The following EXOC6B variants were observed in gnomAD, a reference collection of about 807,000 sequenced individuals.
EXOC6B encodes the protein exocyst complex component 6B, also known as SEC15 homolog B.
A neutral mutation model predicts 113.5 loss-of-function variants in EXOC6B; 54 were observed. The observed-to-expected ratio is 0.48, with a 90% CI of 0.38 to 0.60. The LOEUF (loss-of-function observed/expected upper bound fraction) is 0.60, where lower values mean the gene tolerates loss of function less well. Ranked by LOEUF, EXOC6B falls within the 20% of genes least tolerant of loss-of-function variation. EXOC6B has a pLI of 0.00. For synonymous variants in EXOC6B, 357 were observed against 339.0 expected (o/e 1.05, Z -0.58); for missense variants, 797 against 977.5 (o/e 0.82, Z 2.46).
chr2:72,457,897 C>T (rs960705650), intron 18 of EXOC6B, among the ~76,000 whole-genome samples: 2 of 152,116 alleles, frequency 1.3e-5, no homozygotes, highest in Non-Finnish European at 1.5e-5. Context: ...TGACCACTGC[C>T]TATCTAACAA....
At chr2:72,491,168 G>C (rs1310560384) in intron 16 of EXOC6B, among the ~76,000 whole-genome samples, 2 of 152,062 alleles carry the variant, frequency 1.3e-5, no homozygotes, top group Non-Finnish European at 2.9e-5. Flanking sequence ...TTCTGTACTA[G>C]GCAATAGAAA....
intron 18 of EXOC6B, among the ~76,000 whole-genome samples, chr2:72,456,854 TA>T (rs1175137413): frequency 1.3e-5 from 2 of 152,060 alleles, no homozygotes; most frequent in Non-Finnish European, 2.9e-5. Flanking sequence ...CGTGCCATTT[TA>T]AAAAGTGCCA....
At chr2:72,570,657 T>C (rs1573413408) in intron 7 of EXOC6B, among the ~76,000 whole-genome samples, 1 of 152,194 alleles carries the variant, frequency 6.6e-6, no homozygotes, top group Non-Finnish European at 1.5e-5. Flanking sequence ...CACTAGAATA[T>C]GTGACATGTC....
At chr2:72,445,159 G>A (rs1696487161) in intron 18 of EXOC6B, among the ~76,000 whole-genome samples, 1 of 152,112 alleles carries the variant, frequency 6.6e-6, no homozygotes, top group African/African-American at 2.4e-5. Context: ...CAAATCTCTA[G>A]GGCAGGGGTA....
At chr2:72,580,681 A>T (rs1705167779) in intron 6 of EXOC6B, among the ~76,000 whole-genome samples, 1 of 151,990 alleles carries the variant, frequency 6.6e-6, no homozygotes, top group African/African-American at 2.4e-5. Flanking sequence ...ACATAATATA[A>T]CCTGACATCA....
At chr2:72,613,363 TG>T (rs1558844913) in intron 6 of EXOC6B, among the ~76,000 whole-genome samples, 1 of 151,928 alleles carries the variant, frequency 6.6e-6, no homozygotes, top group Non-Finnish European at 1.5e-5. Flanking sequence ...AATAAAAAAC[TG>T]GGGGGAAAAC....
intron 20 of EXOC6B, among the ~76,000 whole-genome samples, chr2:72,228,663 C>A (rs1681415247): frequency 6.6e-6 from 1 of 152,144 alleles, no homozygotes; most frequent in African/African-American, 2.4e-5. Context: ...TCCAGTCTAA[C>A]ATTGTTGGAC....
chr2:72,629,962 T>G (rs1165127789), intron 6 of EXOC6B, among the ~76,000 whole-genome samples: 2 of 152,222 alleles, frequency 1.3e-5, no homozygotes, highest in Non-Finnish European at 2.9e-5. Flanking sequence ...ATTCCTCTTC[T>G]GAGATTCAGA....
intron 20 of EXOC6B, among the ~76,000 whole-genome samples, chr2:72,189,738 C>T (rs1678691888): frequency 6.6e-6 from 1 of 150,680 alleles, no homozygotes; most frequent in East Asian, 1.9e-4. Context: ...CCCTCCCCTC[C>T]CCTTCCTTCC....
chr2:72,305,778 T>C (rs1686816481), intron 20 of EXOC6B, among the ~76,000 whole-genome samples: 1 of 152,228 alleles, frequency 6.6e-6, no homozygotes, highest in Middle Eastern at 3.2e-3. Flanking sequence ...TTTCAATGTA[T>C]TATTATGCTC....
intron 20 of EXOC6B, chr2:72,288,706 A>ATG: frequency 6.5e-6 from 1 of 153,126 alleles, no homozygotes; most frequent in South Asian, 2.1e-4. Context: ...ATATATATAT[A>ATG]TACAAACTCT....
At position 72,790,884 on chromosome 2, in the gene EXOC6B, TA is replaced by T. The variant is rs909081326; in HGVS notation, c.113+34913del. Among the ~76,000 whole-genome samples, 398 of 151,832 alleles carry T rather than the reference TA, an allele frequency of 2.6e-3. 1 individual carries two copies. The highest frequency in any genetic ancestry group is 9.1e-3 in the African/African-American group (378 of 41,418). ...CATGTTCTCATTTGCATGTGGGAGCTAAAAAAAATTGAACTCAGAAGTAGAG... is the reference window on the plus strand; with the variant it reads ...CATGTTCTCATTTGCATGTGGGAGCTAAAAAAATTGAACTCAGAAGTAGAG... On this transcript the variant is annotated intron_variant, in intron 1 of 21. Coordinates refer to ENST00000272427, the MANE Select transcript of EXOC6B (RefSeq NM_015189.3).
intron 18 of EXOC6B, among the ~76,000 whole-genome samples, chr2:72,403,176 A>T (rs1693463161): frequency 6.6e-6 from 1 of 152,196 alleles, no homozygotes; most frequent in African/African-American, 2.4e-5. Flanking sequence ...AAATTTACCA[A>T]GCTTTTCTTC....
chr2:72,713,526 C>T (rs1337918784), intron 6 of EXOC6B, among the ~76,000 whole-genome samples: 1 of 151,950 alleles, frequency 6.6e-6, no homozygotes, highest in Non-Finnish European at 1.5e-5. Context: ...TGGTGTGCTG[C>T]ACCCATTAAC....
intron 1 of EXOC6B, among the ~76,000 whole-genome samples, chr2:72,824,981 T>C (rs967722048): frequency 1.6e-4 from 25 of 152,288 alleles, no homozygotes; most frequent in African/African-American, 5.5e-4. Flanking sequence ...AGGAGAGTAA[T>C]AGAACCTACC....
intron 6 of EXOC6B, among the ~76,000 whole-genome samples, chr2:72,705,871 G>A (rs2104662989): frequency 6.6e-6 from 1 of 152,314 alleles, no homozygotes; most frequent in South Asian, 2.1e-4. Context: ...TAAAAAAAGT[G>A]CCTCATTCCC....
At chr2:72,352,861 T>C (rs955845619) in intron 19 of EXOC6B, among the ~76,000 whole-genome samples, 1 of 152,062 alleles carries the variant, frequency 6.6e-6, no homozygotes, top group Non-Finnish European at 1.5e-5. Context: ...AATTTCTAAA[T>C]AGACATGGTA....
intron 8 of EXOC6B, among the ~76,000 whole-genome samples, chr2:72,532,332 A>T (rs919219832): frequency 6.6e-6 from 1 of 151,886 alleles, no homozygotes; most frequent in Non-Finnish European, 1.5e-5. Flanking sequence ...TTAGCAAAAG[A>T]AAACAATACA....
intron 19 of EXOC6B, among the ~76,000 whole-genome samples, chr2:72,365,799 T>A (rs1035288132): frequency 6.6e-5 from 10 of 152,132 alleles, no homozygotes; most frequent in African/African-American, 2.4e-4. Context: ...CCATACTTTG[T>A]GTTTCCACCA....
Sources: gnomAD v4.1 joint callset for allele counts (sites outside exome capture counted in the v4.1 genomes callset) on GRCh38, gnomAD v4.1.1 for gene constraint, MANE v1.5 for transcripts, NCBI Gene and HGNC (gene_info 2026-07-23, HGNC 2026-07-21) for gene names.